The following CCBE1 variants were observed in gnomAD, a reference collection of about 807,000 sequenced individuals.
CCBE1 encodes the protein collagen and calcium-binding EGF domain-containing protein 1.
In CCBE1, 37 loss-of-function variants were observed where a neutral mutation model predicts 50.0. The observed-to-expected ratio is 0.74, with a 90% CI of 0.57 to 0.97. CCBE1 has a LOEUF of 0.97. Ranked by LOEUF, CCBE1 falls within the 50% of genes least tolerant of loss-of-function variation. CCBE1 has a pLI of 0.00. For missense variants in CCBE1, 538 were observed against 523.8 expected, an observed-to-expected ratio of 1.03 and a Z score of -0.26; for synonymous variants, 234 against 203.7, an observed-to-expected ratio of 1.15 and a Z score of -1.27.
chr18:59,500,902 C>T (rs1397890125), intron 2 of CCBE1, among the ~76,000 whole-genome samples: 3 of 152,186 alleles, frequency 2.0e-5, no homozygotes, highest in Admixed American at 1.3e-4. Flanking sequence ...TCCCCCAGAG[C>T]TGAGTCACAG....
chr18:59,434,591 G>A lies in CCBE1; in HGVS notation c.*1317C>T, dbSNP rs1208910520. On this transcript the variant is annotated 3_prime_UTR_variant, in exon 11 of 11. Transcript: ENST00000439986. ...GAGAAAACACTCTAACTCACTAGGA[G>A]GTGGAGATATAGACCTTTTTCTGAA... 1 of 152,148 alleles carries A rather than the reference G, an allele frequency of 6.6e-6. No homozygotes were observed. Among genetic ancestry groups the A allele is most frequent in the Non-Finnish European group, 1.5e-5 (1 of 68,026 alleles). The allele number at this position is 152,148 out of a possible 1,614,324, so 9.4% of individuals were successfully genotyped here.
intron 2 of CCBE1, among the ~76,000 whole-genome samples, chr18:59,525,769 T>A (rs1398295781): frequency 6.6e-6 from 1 of 152,220 alleles, no homozygotes; most frequent in African/African-American, 2.4e-5. Flanking sequence ...AATTTTTGTT[T>A]AAGGTGTAAT....
intron 2 of CCBE1, among the ~76,000 whole-genome samples, chr18:59,595,716 T>A (rs7237186): frequency 0.011 from 1,690 of 152,362 alleles, 25 homozygotes; most frequent in East Asian, 0.032. Flanking sequence ...TGCAAACATT[T>A]AACTATTTTC....
At chr18:59,546,329 T>G (rs752771082) in intron 2 of CCBE1, among the ~76,000 whole-genome samples, 3 of 152,236 alleles carry the variant, frequency 2.0e-5, no homozygotes, top group Non-Finnish European at 2.9e-5. Flanking sequence ...GAATCACCCC[T>G]CATATTCACA....
At chr18:59,491,251 G>A (rs1051029118) in intron 2 of CCBE1, among the ~76,000 whole-genome samples, 2 of 152,126 alleles carry the variant, frequency 1.3e-5, no homozygotes, top group African/African-American at 4.8e-5. Flanking sequence ...GAAAGTTTCT[G>A]AACTGTCCCC....
intron 7 of CCBE1, among the ~76,000 whole-genome samples, chr18:59,441,297 G>T (rs551967743): frequency 3.2e-4 from 48 of 152,246 alleles, no homozygotes; most frequent in African/African-American, 9.4e-4. Flanking sequence ...ATCACCTGAG[G>T]TCAGGAGTTC....
rs898157835 is a variant in CCBE1 at position 59,669,643 on chromosome 18, A to T, written c.212+26986T>A. On this transcript the variant is annotated intron_variant, in intron 2 of 10. Coordinates refer to ENST00000439986, the MANE Select transcript of CCBE1 (RefSeq NM_133459.4). ...CAGGTCTCCAGGCTTAGACTGGAGG[A>T]ACACCCGCGGTGCCCTTGTGCTCTC... 9.2e-5 allele frequency among the ~76,000 whole-genome samples: 14 copies of T among 152,302 alleles called. No homozygotes were observed. The South Asian group carries it at 2.9e-3, about 32-fold the overall frequency.
intron 2 of CCBE1, among the ~76,000 whole-genome samples, chr18:59,612,491 T>C (rs1167638563): frequency 3.3e-5 from 5 of 152,098 alleles, no homozygotes; most frequent in African/African-American, 4.8e-5. Context: ...TTGCTAGAGA[T>C]TGTGTCATTC....
chr18:59,525,298 G>A (rs760677871), intron 2 of CCBE1, among the ~76,000 whole-genome samples: 9 of 152,124 alleles, frequency 5.9e-5, no homozygotes, highest in Admixed American at 2.6e-4. Context: ...ATCTCATTGC[G>A]GTTTTGATTT....
At chr18:59,685,401 G>A (rs1163553344) in intron 2 of CCBE1, among the ~76,000 whole-genome samples, 1 of 152,188 alleles carries the variant, frequency 6.6e-6, no homozygotes, top group Non-Finnish European at 1.5e-5. Flanking sequence ...CACAGTGACT[G>A]TCACCAAGGG....
At chr18:59,632,668 A>C (rs1365162705) in intron 2 of CCBE1, among the ~76,000 whole-genome samples, 1 of 151,600 alleles carries the variant, frequency 6.6e-6, no homozygotes, top group Non-Finnish European at 1.5e-5. Context: ...GGCTCACCGC[A>C]ACTTCCAACC....
chr18:59,452,318 C>A (rs570570061), intron 6 of CCBE1, among the ~76,000 whole-genome samples: 1 of 152,180 alleles, frequency 6.6e-6, no homozygotes, highest in Admixed American at 6.5e-5. Flanking sequence ...ACAGGCCAGG[C>A]ACAGTGGCTC....
chr18:59,661,101 C>T (rs1232878111), intron 2 of CCBE1, among the ~76,000 whole-genome samples: 2 of 152,012 alleles, frequency 1.3e-5, no homozygotes, highest in Non-Finnish European at 2.9e-5. Flanking sequence ...TAACATACTT[C>T]CACTGTGGAA....
At chr18:59,436,210 G>A in intron 10 of CCBE1, 69 bp from the exon 11 acceptor site, 1 of 1,381,364 alleles carries the variant, frequency 7.2e-7, no homozygotes, top group Admixed American at 1.7e-5. Flanking sequence ...TCCATGACTT[G>A]ACCTGCTGCT....
At chr18:59,657,968 C>T (rs1416146316) in intron 2 of CCBE1, among the ~76,000 whole-genome samples, 4 of 151,918 alleles carry the variant, frequency 2.6e-5, no homozygotes, top group East Asian at 1.9e-4. Context: ...ATTATAGCCA[C>T]GGGAGGCAGC....
intron 2 of CCBE1, among the ~76,000 whole-genome samples, chr18:59,544,777 G>A (rs1013495685): frequency 6.6e-6 from 1 of 152,082 alleles, no homozygotes; most frequent in South Asian, 2.1e-4. Context: ...AATTCACCTG[G>A]GTCTCTTTTT....
chr18:59,577,170 G>A (rs2053010554), intron 2 of CCBE1, among the ~76,000 whole-genome samples: 1 of 152,194 alleles, frequency 6.6e-6, no homozygotes, highest in Non-Finnish European at 1.5e-5. Context: ...AATAGGAAAG[G>A]GATGGCGAAG....
At position 59,625,430 on chromosome 18, in the gene CCBE1, C is replaced by CAAAAAAAAAAAAAAAAAAAA. The variant is rs750324482; in HGVS notation, c.212+71179_212+71198dup. On this transcript the variant is annotated intron_variant, in intron 2 of 10. Transcript: ENST00000439986. ...TGGGCTACAGAGTGAGATTCTGTCT[C>CAAAAAAAAAAAAAAAAAAAA]AAAAAAAAAAAAAAAAAAAAAAAAT... Among the ~76,000 whole-genome samples, 3 of 69,916 alleles carry CAAAAAAAAAAAAAAAAAAAA rather than the reference C, an allele frequency of 4.3e-5. 1 individual carries two copies. The highest frequency in any genetic ancestry group is 1.8e-4 in the African/African-American group (3 of 16,482). The allele number at this position is 69,916 out of a possible 152,430, so 45.9% of individuals were successfully genotyped here. A position where few individuals can be genotyped will look rare whatever the true frequency, so the allele number is the denominator to read the frequency against.
At position 59,646,416 on chromosome 18, in the gene CCBE1, G is replaced by A. The variant is rs138612566; in HGVS notation, c.212+50213C>T. Among the ~76,000 whole-genome samples, 240 of 152,296 alleles carry A rather than the reference G, an allele frequency of 1.6e-3. 2 individuals are homozygous for A. In the South Asian group the frequency reaches 0.027, roughly 17 times the overall value. The stretch of plus-strand genomic sequence containing the variant: ...CCCAGAAGTGGATGGCCCAGAACTA[G>A]CTTCTAAGAGGGGAAATCTACAACG... On this transcript the variant is annotated intron_variant, in intron 2 of 10. Transcript: ENST00000439986.
Sources: allele counts gnomAD v4.1 joint callset (sites outside exome capture counted in the v4.1 genomes callset), GRCh38; gene constraint gnomAD v4.1.1; transcripts MANE v1.5; gene names NCBI Gene and HGNC (gene_info 2026-07-23, HGNC 2026-07-21).